The following FLT3 variants were observed in gnomAD, a reference collection of about 807,000 sequenced individuals.
The protein encoded by FLT3 is fms related receptor tyrosine kinase 3.
Under a neutral mutation model 126.6 loss-of-function variants are expected in FLT3, and 46 were observed. The observed-to-expected ratio is 0.36, with a 90% CI of 0.29 to 0.46. FLT3 has a LOEUF of 0.46. Ranked by LOEUF, FLT3 falls within the 20% of genes least tolerant of loss-of-function variation. FLT3 has a pLI of 1.00. For synonymous variants in FLT3, 404 were observed against 434.4 expected (o/e 0.93, Z 0.87); for missense variants, 1,069 against 1,190.3 (o/e 0.90, Z 1.50).
At chr13:28,058,123 C>T (rs1277134474) in intron 3 of FLT3, among the ~76,000 whole-genome samples, 1 of 150,440 alleles carries the variant, frequency 6.6e-6, no homozygotes, top group Non-Finnish European at 1.5e-5. Context: ...CTTTGGGAGG[C>T]CAAGGCTGGC....
intron 1 of FLT3, among the ~76,000 whole-genome samples, chr13:28,084,847 C>T (rs1417288429): frequency 2.6e-5 from 4 of 151,672 alleles, no homozygotes; most frequent in Non-Finnish European, 4.4e-5. Flanking sequence ...TGGTGGCGGG[C>T]GCCTGTAGTC....
At chr13:28,073,352 GAAA>G (rs35318238) in intron 1 of FLT3, 7,012 of 295,212 alleles carry the variant, frequency 0.024, 10 homozygotes, top group South Asian at 0.036. Context: ...CTCATCTCTG[GAAA>G]AAAAAAAAAA....
intron 23 of FLT3, among the ~76,000 whole-genome samples, chr13:28,010,533 C>T (rs984228744): frequency 6.6e-6 from 1 of 152,200 alleles, no homozygotes; most frequent in Non-Finnish European, 1.5e-5. Flanking sequence ...AAATCTTCAT[C>T]GGTTCACCAC....
intron 9 of FLT3, among the ~76,000 whole-genome samples, chr13:28,040,349 C>T (rs111646224): frequency 0.016 from 1,379 of 87,660 alleles, 21 homozygotes; most frequent in African/African-American, 0.037. Context: ...ACCCTAGAGG[C>T]ACCAGAAAAA....
chr13:28,040,844 T>TA (rs1173678876), intron 9 of FLT3, among the ~76,000 whole-genome samples: 1 of 150,970 alleles, frequency 6.6e-6, no homozygotes, highest in African/African-American at 2.4e-5. Context: ...AGAATTTTTT[T>TA]TTTTAATTAG....
intron 1 of FLT3, among the ~76,000 whole-genome samples, chr13:28,072,666 G>A (rs1593289483): frequency 6.6e-6 from 1 of 152,040 alleles, no homozygotes; most frequent in Non-Finnish European, 1.5e-5. Flanking sequence ...AAAGTGCTGG[G>A]ATTACAGGCA....
chr13:28,073,611 A>G (rs1877718422), intron 1 of FLT3, among the ~76,000 whole-genome samples: 1 of 152,132 alleles, frequency 6.6e-6, no homozygotes, highest in Admixed American at 6.6e-5. Context: ...AAATTCATAC[A>G]TATCTGCAAA....
intron 1 of FLT3, among the ~76,000 whole-genome samples, chr13:28,075,722 C>T (rs1388038489): frequency 1.1e-5 from 1 of 91,352 alleles, no homozygotes; most frequent in Admixed American, 1.4e-4. Flanking sequence ...GAGGCTCTGT[C>T]TAAAAAAAAA....
intron 19 of FLT3, among the ~76,000 whole-genome samples, chr13:28,022,405 G>C (rs534361715): frequency 6.6e-6 from 1 of 151,996 alleles, no homozygotes; most frequent in African/African-American, 2.4e-5. Flanking sequence ...CCAGCTACAC[G>C]GAAGGCCGAG....
intron 3 of FLT3, among the ~76,000 whole-genome samples, chr13:28,059,133 G>A (rs1287979218): frequency 6.6e-6 from 1 of 152,208 alleles, no homozygotes; most frequent in East Asian, 1.9e-4. Context: ...TATACTCACT[G>A]TCCTGCAAAT....
chr13:28,098,962 T>C (rs916557048), intron 1 of FLT3, among the ~76,000 whole-genome samples: 2 of 152,186 alleles, frequency 1.3e-5, no homozygotes, highest in Non-Finnish European at 2.9e-5. Context: ...GAGGGGGTAC[T>C]GACAGAGAGG....
chr13:28,092,913 T>C (rs1394769406), intron 1 of FLT3, among the ~76,000 whole-genome samples: 1 of 133,924 alleles, frequency 7.5e-6, no homozygotes, highest in African/African-American at 2.9e-5. Context: ...ATCCAGAGAC[T>C]ACTTTTTTTT....
chr13:28,089,973 T>A (rs1878926572), intron 1 of FLT3, among the ~76,000 whole-genome samples: 1 of 151,828 alleles, frequency 6.6e-6, no homozygotes, highest in African/African-American at 2.4e-5. Flanking sequence ...ACTCCTGACT[T>A]CAAATGATCC....
rs1044362855 is a variant in FLT3, at chr13:28,048,390, A to G, written c.1090T>C (p.Tyr364His). Reference sequence around the variant, plus strand: ...CTGACAGAAAAACAAAACTCTTCATATTGGTCAATTTCATAATCTTCACTT... The same window carrying G: ...CTGACAGAAAAACAAAACTCTTCATGTTGGTCAATTTCATAATCTTCACTT... ...NSSEDYEIDQ[Y>H]EEFCFSVRFK... Residue 364 changes from tyrosine (Y) to histidine (H), a missense_variant, in exon 9 of 24, where the codon TAT becomes CAT. By Grantham distance (83) the Tyr-to-His change is moderately conservative (BLOSUM62 2). Transcript: ENST00000241453. The G allele has an allele frequency of 3.2e-5, 52 of 1,611,160 alleles. No homozygotes were observed. Among genetic ancestry groups the G allele is most frequent in the Non-Finnish European group, 4.3e-5 (51 of 1,177,444 alleles).
rs546428168 is a variant in FLT3, at chr13:28,050,197, C to T, written c.640G>A (p.Val214Ile). Residue 214 changes from valine to isoleucine, a missense_variant, in exon 6 of 24, where the codon GTT becomes ATT. By Grantham distance (29) the Val-to-Ile change is conservative. Transcript: ENST00000241453. ...TGAAGCACTTTTTCCTCCTTTTTAACAACAGCTGGACTTTCTTCTTTACAG... is the reference window on the plus strand; with the variant it reads ...TGAAGCACTTTTTCCTCCTTTTTAATAACAGCTGGACTTTCTTCTTTACAG... ...ESCKEESPAVVKKEEKVLHEL... is the reference protein window; with the variant it reads ...ESCKEESPAVIKKEEKVLHEL... 1.9e-6 allele frequency: 3 copies of T among 1,614,088 alleles called. No homozygotes were observed. Among genetic ancestry groups the T allele is most frequent in the Middle Eastern group, 1.6e-4 (1 of 6,062 alleles).
rs780435520 is a variant in FLT3, at chr13:28,049,649, T to C, written c.868A>G (p.Lys290Glu). 1.2e-6 allele frequency: 2 copies of C among 1,614,200 alleles called. No homozygotes were observed. Among genetic ancestry groups the C allele is most frequent in the Non-Finnish European group, 1.7e-6 (2 of 1,180,026 alleles). ...GFGLTWELEN[K>E]ALEEGNYFEM... ...TGTCCTATTACCTCCTCGAGTGCTT[T>C]GTTTTCTAATTCCCAGGTGAGCCCG... The change falls in exon 7 of 24, where the codon AAA becomes GAA. Residue 290 changes from lysine to glutamate, a missense_variant. By Grantham distance (56) the Lys-to-Glu change is moderately conservative. Coordinates refer to ENST00000241453, the MANE Select transcript of FLT3 (RefSeq NM_004119.3).
intron 2 of FLT3, among the ~76,000 whole-genome samples, chr13:28,063,063 TA>T (rs1876711855): frequency 1.5e-5 from 1 of 65,336 alleles, no homozygotes. Context: ...GGTATATAGA[TA>T]AAAATTTATA....
chr13:28,013,010 G>T (rs1025360361), intron 23 of FLT3, among the ~76,000 whole-genome samples: 19 of 151,940 alleles, frequency 1.3e-4, no homozygotes, highest in African/African-American at 3.9e-4. Flanking sequence ...CTCACTTCCT[G>T]TTTCATTCTA....
chr13:28,072,343 T>G (rs1266579265), intron 1 of FLT3, among the ~76,000 whole-genome samples: 2 of 152,116 alleles, frequency 1.3e-5, no homozygotes, highest in Non-Finnish European at 2.9e-5. Flanking sequence ...TATCTTTTTC[T>G]TTTTCTTTTT....
Sources: allele counts gnomAD v4.1 joint callset (sites outside exome capture counted in the v4.1 genomes callset), GRCh38; gene constraint gnomAD v4.1.1; transcripts MANE v1.5; gene names NCBI Gene and HGNC (gene_info 2026-07-23, HGNC 2026-07-21).